The following KCNIP4 variants were observed in gnomAD, a reference collection of about 807,000 sequenced individuals.
The protein encoded by KCNIP4 is potassium voltage-gated channel interacting protein 4.
A neutral mutation model predicts 34.0 loss-of-function variants in KCNIP4; 12 were observed. The observed-to-expected ratio is 0.35, with a 90% CI of 0.23 to 0.57. KCNIP4 has a LOEUF of 0.57. Ranked by LOEUF, KCNIP4 falls within the 20% of genes least tolerant of loss-of-function variation. KCNIP4 has a pLI of 0.83. For synonymous variants in KCNIP4, 124 were observed against 102.2 expected (o/e 1.21, Z -1.29); for missense variants, 238 against 311.7 (o/e 0.76, Z 1.78).
chr4:21,741,286 A>G (rs1560679542), intron 1 of KCNIP4, among the ~76,000 whole-genome samples: 1 of 152,210 alleles, frequency 6.6e-6, no homozygotes, highest in South Asian at 2.1e-4. Flanking sequence ...TTGGTGCATG[A>G]AAAGATAGAT....
At chr4:21,066,991 C>T (rs1221958750) in intron 1 of KCNIP4, among the ~76,000 whole-genome samples, 13 of 152,086 alleles carry the variant, frequency 8.5e-5, no homozygotes, top group Admixed American at 8.5e-4. Context: ...AAAAGAGACT[C>T]ATTCCTTCTG....
rs34874556 is a variant in KCNIP4, at chr4:21,087,146, ATGTGTGTG to A, written c.62-204445_62-204438del. Among the ~76,000 whole-genome samples the A allele has an allele frequency of 1.1e-3, 127 of 110,932 alleles. 1 individual carries two copies. The highest frequency in any genetic ancestry group is 4.0e-3 in the African/African-American group (107 of 26,824). The allele number at this position is 110,932 out of a possible 152,430, so 72.8% of individuals were successfully genotyped here. ...AGGCATGCACCACCACTGCTGGGTAATGTGTGTGTGTGTGTGTGTGTGTGTGTGTGTGT... is the reference window on the plus strand; with the variant it reads ...AGGCATGCACCACCACTGCTGGGTAATGTGTGTGTGTGTGTGTGTGTGTGT... On this transcript the variant is annotated intron_variant, in intron 1 of 8. Coordinates refer to ENST00000382152, the MANE Select transcript of KCNIP4 (RefSeq NM_025221.6).
chr4:21,057,389 TG>T (rs1318200595), intron 1 of KCNIP4, among the ~76,000 whole-genome samples: 1 of 152,214 alleles, frequency 6.6e-6, no homozygotes, highest in Non-Finnish European at 1.5e-5. Context: ...GCAATAGCTT[TG>T]CACAGTTCAG....
At chr4:21,223,104 G>A (rs1758099409) in intron 1 of KCNIP4, among the ~76,000 whole-genome samples, 1 of 152,172 alleles carries the variant, frequency 6.6e-6, no homozygotes, top group Non-Finnish European at 1.5e-5. Context: ...ATCTCAAGAT[G>A]AGGAAATCTT....
chr4:21,543,626 A>ATTTAAGTAATT (rs1737886029), intron 1 of KCNIP4, among the ~76,000 whole-genome samples: 1 of 152,156 alleles, frequency 6.6e-6, no homozygotes, highest in African/African-American at 2.4e-5. Context: ...AGCTGCTGGA[A>ATTTAAGTAATT]CTTTAAAATA....
At chr4:21,648,231 G>A (rs1343408437) in intron 1 of KCNIP4, among the ~76,000 whole-genome samples, 4 of 151,996 alleles carry the variant, frequency 2.6e-5, no homozygotes, top group African/African-American at 4.8e-5. Context: ...CCTGCAAAAC[G>A]AGGTAAACCA....
intron 1 of KCNIP4, among the ~76,000 whole-genome samples, chr4:21,451,644 C>A (rs1177342083): frequency 2.0e-5 from 3 of 152,194 alleles, no homozygotes; most frequent in East Asian, 1.9e-4. Flanking sequence ...TTGATTTTGT[C>A]CATAATAACA....
intron 1 of KCNIP4, among the ~76,000 whole-genome samples, chr4:21,200,920 T>C (rs968768106): frequency 6.6e-6 from 1 of 152,174 alleles, no homozygotes; most frequent in Admixed American, 6.5e-5. Flanking sequence ...ACTTCTGATA[T>C]AGGCAAGAGA....
chr4:21,834,623 C>T (rs2109310421), intron 1 of KCNIP4, among the ~76,000 whole-genome samples: 1 of 152,248 alleles, frequency 6.6e-6, no homozygotes, highest in Admixed American at 6.5e-5. Context: ...GAACTTCCAA[C>T]ACTATGTTGA....
chr4:21,238,486 G>A (rs1318555252), intron 1 of KCNIP4, among the ~76,000 whole-genome samples: 3 of 152,140 alleles, frequency 2.0e-5, no homozygotes, highest in Non-Finnish European at 2.9e-5. Flanking sequence ...AAACCTCATC[G>A]TCTCAGCTCA....
At chr4:21,334,922 T>A (rs1716026172) in intron 1 of KCNIP4, among the ~76,000 whole-genome samples, 1 of 152,160 alleles carries the variant, frequency 6.6e-6, no homozygotes, top group Non-Finnish European at 1.5e-5. Context: ...ACTCTGGAGT[T>A]GTTTCTAGAT....
At chr4:20,957,959 T>C (rs189277927) in intron 1 of KCNIP4, among the ~76,000 whole-genome samples, 21 of 152,336 alleles carry the variant, frequency 1.4e-4, no homozygotes, top group African/African-American at 4.8e-4. Flanking sequence ...GGCAGGTGTT[T>C]GGCCTGGAGC....
At chr4:21,853,089 T>C (rs1398836) in intron 1 of KCNIP4, 143,077 of 152,188 alleles carry the variant, frequency 0.94, 67,704 homozygotes, top group East Asian at 0.99. Context: ...TTGTACTCTC[T>C]ATATTTGAAG....
intron 1 of KCNIP4, among the ~76,000 whole-genome samples, chr4:21,013,007 G>A (rs145841920): frequency 1.6e-3 from 239 of 152,294 alleles, no homozygotes; most frequent in African/African-American, 5.5e-3. Context: ...CAAAGGCAAT[G>A]AGCACAGAGG....
chr4:21,759,403 T>C (rs1247240731), intron 1 of KCNIP4, among the ~76,000 whole-genome samples: 1 of 152,198 alleles, frequency 6.6e-6, no homozygotes, highest in Non-Finnish European at 1.5e-5. Context: ...AAAAGTAATT[T>C]GAACTTATTG....
At chr4:21,269,978 T>G (rs1332759820) in intron 1 of KCNIP4, among the ~76,000 whole-genome samples, 1 of 152,210 alleles carries the variant, frequency 6.6e-6, no homozygotes, top group Non-Finnish European at 1.5e-5. Context: ...TCTTCCCTGT[T>G]ACTCTTCAAA....
At chr4:20,803,241 C>G (rs529441170) in intron 3 of KCNIP4, among the ~76,000 whole-genome samples, 4 of 150,398 alleles carry the variant, frequency 2.7e-5, no homozygotes, top group African/African-American at 9.8e-5. Context: ...TAACATTATA[C>G]CTAAAGGAAC....
intron 1 of KCNIP4, among the ~76,000 whole-genome samples, chr4:21,584,633 G>C (rs1741478702): frequency 6.6e-6 from 1 of 152,014 alleles, no homozygotes; most frequent in African/African-American, 2.4e-5. Flanking sequence ...TCCCCCTTTA[G>C]AGAGAGCAAG....
At chr4:21,838,904 C>T (rs899284328) in intron 1 of KCNIP4, among the ~76,000 whole-genome samples, 12 of 152,258 alleles carry the variant, frequency 7.9e-5, no homozygotes, top group African/African-American at 2.9e-4. Context: ...CTCATAATAG[C>T]CACATGATAT....
Sources: gnomAD v4.1 joint callset for allele counts (sites outside exome capture counted in the v4.1 genomes callset) on GRCh38, gnomAD v4.1.1 for gene constraint, MANE v1.5 for transcripts, NCBI Gene and HGNC (gene_info 2026-07-23, HGNC 2026-07-21) for gene names.